PDSS2: variants seen among roughly 807,000 people sequenced by gnomAD.
PDSS2 encodes decaprenyl diphosphate synthase subunit 2, also known as all trans-polyprenyl-diphosphate synthase PDSS2.
In PDSS2, 31 loss-of-function variants were observed where a neutral mutation model predicts 44.5. That is an observed-to-expected ratio of 0.70 (90% CI 0.52 to 0.94). PDSS2 has a LOEUF of 0.94. Among genes scored for constraint, PDSS2 ranks in the 40% least tolerant of loss-of-function variants. PDSS2 has a pLI of 0.00. For missense variants in PDSS2, 452 were observed against 482.2 expected, an observed-to-expected ratio of 0.94 and a Z score of 0.59; for synonymous variants, 157 against 180.3, an observed-to-expected ratio of 0.87 and a Z score of 1.03.
intron 1 of PDSS2, among the ~76,000 whole-genome samples, chr6:107,391,050 G>A (rs1046922719): frequency 6.6e-6 from 1 of 151,680 alleles, no homozygotes; most frequent in East Asian, 1.9e-4. Flanking sequence ...GGGGGAGGGT[G>A]GGGAGAGGAA....
At chr6:107,218,820 G>A (rs150536770) in intron 4 of PDSS2, among the ~76,000 whole-genome samples, 4 of 152,154 alleles carry the variant, frequency 2.6e-5, no homozygotes, top group African/African-American at 4.8e-5. Flanking sequence ...CACTTTGGGA[G>A]GCCAAGGCGG....
At chr6:107,318,183 C>G (rs2430465) in intron 2 of PDSS2, among the ~76,000 whole-genome samples, 109,867 of 151,940 alleles carry the variant, frequency 0.72, 41,614 homozygotes, top group East Asian at 0.92. Flanking sequence ...GAGCGGTAAA[C>G]AGGTGGGGAG....
intron 1 of PDSS2, among the ~76,000 whole-genome samples, chr6:107,428,014 A>G (rs1161231128): frequency 1.3e-5 from 2 of 152,204 alleles, no homozygotes. Flanking sequence ...GCTGATTAGA[A>G]TTTGTTCTGA....
intron 3 of PDSS2, among the ~76,000 whole-genome samples, chr6:107,249,422 G>A (rs146132852): frequency 2.6e-5 from 4 of 152,184 alleles, no homozygotes; most frequent in African/African-American, 7.2e-5. Context: ...CAAAATCAGG[G>A]ACCTCTGAAA....
intron 4 of PDSS2, among the ~76,000 whole-genome samples, chr6:107,235,616 A>G (rs1315182572): frequency 6.6e-6 from 1 of 152,210 alleles, no homozygotes; most frequent in East Asian, 1.9e-4. Flanking sequence ...AAAACTATCT[A>G]GCATCCAACA....
intron 3 of PDSS2, among the ~76,000 whole-genome samples, chr6:107,253,185 G>A (rs1255814148): frequency 1.3e-5 from 2 of 151,984 alleles, no homozygotes; most frequent in African/African-American, 2.4e-5. Flanking sequence ...ACAGGCGTGC[G>A]CCACCACGCC....
At chr6:107,353,176 A>G (rs149606523) in intron 1 of PDSS2, among the ~76,000 whole-genome samples, 135 of 152,272 alleles carry the variant, frequency 8.9e-4, no homozygotes, top group Admixed American at 1.4e-3. Flanking sequence ...AAAAAAAAAG[A>G]TTTTTTAAAA....
chr6:107,250,688 G>C (rs1463454087), intron 3 of PDSS2, among the ~76,000 whole-genome samples: 3 of 152,104 alleles, frequency 2.0e-5, no homozygotes, highest in Non-Finnish European at 2.9e-5. Context: ...GTGGCAGTAA[G>C]CATTCTGGAT....
At chr6:107,279,837 C>T (rs1000491786) in intron 2 of PDSS2, among the ~76,000 whole-genome samples, 1 of 152,146 alleles carries the variant, frequency 6.6e-6, no homozygotes, top group Non-Finnish European at 1.5e-5. Context: ...AGATAAGTAA[C>T]TCTGGATCAT....
chr6:107,420,662 G>A (rs367689366), intron 1 of PDSS2, among the ~76,000 whole-genome samples: 28 of 152,138 alleles, frequency 1.8e-4, no homozygotes, highest in African/African-American at 6.3e-4. Flanking sequence ...GACTTAAAAC[G>A]CACACCGCAT....
chr6:107,198,016 G>A (rs767931804), intron 6 of PDSS2: 161 of 440,074 alleles, frequency 3.7e-4, no homozygotes, highest in Admixed American at 6.5e-4. Flanking sequence ...GGTAAGAAGA[G>A]TGAATATAAT....
At chr6:107,159,131 A>G (rs1383869226) in intron 7 of PDSS2, among the ~76,000 whole-genome samples, 1 of 152,142 alleles carries the variant, frequency 6.6e-6, no homozygotes, top group Non-Finnish European at 1.5e-5. Context: ...CCTAAATCAC[A>G]ATAGATGCTC....
intron 1 of PDSS2, among the ~76,000 whole-genome samples, chr6:107,436,473 C>A (rs932726736): frequency 2.0e-5 from 3 of 151,972 alleles, no homozygotes; most frequent in African/African-American, 7.3e-5. Flanking sequence ...ATATATGTAC[C>A]CTTTTTAAAG....
intron 1 of PDSS2, among the ~76,000 whole-genome samples, chr6:107,457,487 T>G (rs1002813219): frequency 1.3e-5 from 2 of 152,228 alleles, no homozygotes; most frequent in Non-Finnish European, 2.9e-5. Flanking sequence ...TTGCAGCACC[T>G]AATTATTTCT....
chr6:107,401,204 T>C (rs1780096083), intron 1 of PDSS2, among the ~76,000 whole-genome samples: 1 of 152,134 alleles, frequency 6.6e-6, no homozygotes, highest in Non-Finnish European at 1.5e-5. Context: ...CCTTTACTAT[T>C]ACCATTACCC....
chr6:107,168,591 A>G (rs1771441722), intron 7 of PDSS2, among the ~76,000 whole-genome samples: 1 of 151,114 alleles, frequency 6.6e-6, no homozygotes, highest in Non-Finnish European at 1.5e-5. Flanking sequence ...TTACAATTTG[A>G]CATGTTTTTG....
chr6:107,258,432 G>A (rs945568531), intron 3 of PDSS2, among the ~76,000 whole-genome samples: 3 of 151,124 alleles, frequency 2.0e-5, no homozygotes, highest in African/African-American at 7.3e-5. Context: ...TCTAAGAGAT[G>A]GACATGATGC....
chr6:107,202,601 C>A (rs1226937652), intron 6 of PDSS2, among the ~76,000 whole-genome samples: 1 of 152,034 alleles, frequency 6.6e-6, no homozygotes, highest in Non-Finnish European at 1.5e-5. Context: ...ACAGGGCAGG[C>A]CTTTTCTCTG....
chr6:107,410,116 T>C (rs1780443171), intron 1 of PDSS2, among the ~76,000 whole-genome samples: 1 of 152,174 alleles, frequency 6.6e-6, no homozygotes, highest in South Asian at 2.1e-4. Flanking sequence ...CATCCAGGGC[T>C]TTGCCATTTA....
Sources: allele counts gnomAD v4.1 joint callset (sites outside exome capture counted in the v4.1 genomes callset), GRCh38; gene constraint gnomAD v4.1.1; transcripts MANE v1.5; gene names NCBI Gene and HGNC (gene_info 2026-07-23, HGNC 2026-07-21).